Variants in SPINK9 observed in about 807,000 individuals in gnomAD.
SPINK9 encodes the protein serine protease inhibitor Kazal-type 9.
In SPINK9, 3 loss-of-function variants were observed where a neutral mutation model predicts 10.8. The observed-to-expected ratio is 0.28, with a 90% confidence interval of 0.13 to 0.72. The LOEUF (loss-of-function observed/expected upper bound fraction) is 0.72, where lower values mean the gene tolerates loss of function less well. Among genes scored for constraint, SPINK9 ranks in the 30% least tolerant of loss-of-function variants. The probability of loss-of-function intolerance (pLI) is 0.74; values close to 1 mark genes in which losing one functional copy is unlikely to be tolerated. For synonymous variants in SPINK9, 30 were observed against 31.2 expected (o/e 0.96, Z 0.12); for missense variants, 101 against 103.2 (o/e 0.98, Z 0.09).
At chr5:148,323,840 G>A (rs1379735746) in exon 2 of SPINK9, 4 of 701,292 alleles carry the variant, frequency 5.7e-6, no homozygotes, top group Non-Finnish European at 1.0e-5. Context: ...GGAGACTCAT[G>A]GGCTTAACGC....
At chr5:148,327,516 G>C (rs541584198) in intron 2 of SPINK9, among the ~76,000 whole-genome samples, 2 of 152,122 alleles carry the variant, frequency 1.3e-5, no homozygotes, top group African/African-American at 4.8e-5. Flanking sequence ...TTAATTAGTT[G>C]CCATTTGTCA....
chr5:148,336,416 T>C lies in SPINK9; in HGVS notation c.56-6T>C, dbSNP rs774834509. 3 of 1,613,494 alleles carry C rather than the reference T, an allele frequency of 1.9e-6. No homozygotes were observed. Among genetic ancestry groups the C allele is most frequent in the Non-Finnish European group, 1.7e-6 (2 of 1,179,594 alleles). ...TAATATTGCCTTGTCTTTGTTTTTC[T>C]TCCAGGTATAGAATGTGCCAAACAG... On this transcript the variant is annotated splice_region_variant and splice_polypyrimidine_tract_variant and intron_variant, in intron 1 of 3. Transcript: ENST00000377906.
intron 1 of SPINK9, among the ~76,000 whole-genome samples, chr5:148,321,917 T>A (rs907958187): frequency 6.6e-6 from 1 of 150,778 alleles, no homozygotes; most frequent in Non-Finnish European, 1.5e-5. Flanking sequence ...GCCCTAGCAA[T>A]TTTTTTTGTC....
At chr5:148,328,081 A>G (rs555850264) in intron 2 of SPINK9, among the ~76,000 whole-genome samples, 8 of 152,156 alleles carry the variant, frequency 5.3e-5, no homozygotes, top group African/African-American at 1.2e-4. Flanking sequence ...CATTGAATCT[A>G]TAAATTACCT....
At chr5:148,335,538 C>G, upstream of SPINK9, 3 of 1,315,262 alleles carry the variant, frequency 2.3e-6, no homozygotes, top group Non-Finnish European at 3.3e-6. Flanking sequence ...ATATATAAGG[C>G]AGGATCAAAG....
rs888997938 is a variant in SPINK9, at chr5:148,338,744, G to A, written c.215+139G>A. The A allele has an allele frequency of 2.9e-5, 16 of 552,700 alleles. No individual in the cohort carries two copies. The South Asian group carries it at 3.5e-4, about 12-fold the overall frequency. 34.2% of individuals were successfully genotyped at this position (552,700 alleles called of 1,614,324 possible). A position where few individuals can be genotyped will look rare whatever the true frequency, so the allele number is the denominator to read the frequency against. ...AACAAACAGAACCTTCCAGTTGGTA[G>A]AATTTGGGAGTCCCTGATATCACAA... On this transcript the variant is annotated intron_variant, in intron 3 of 3. Transcript: ENST00000377906.
At chr5:148,332,987 A>G (rs568641041), upstream of SPINK9, among the ~76,000 whole-genome samples, 3 of 152,156 alleles carry the variant, frequency 2.0e-5, no homozygotes, top group African/African-American at 4.8e-5. Context: ...TTCCCAAATA[A>G]TAAGTTGGTA....
Position 148,335,624 on chromosome 5 carries a change from C to G in SPINK9, c.11C>G (p.Thr4Arg). The change falls in exon 1 of 4, where the codon ACA (threonine) becomes AGA (arginine). Residue 4 changes from threonine (T) to arginine (R), a missense_variant. Thr to Arg is a moderately conservative substitution (Grantham distance 71, BLOSUM62 -1). Transcript: ENST00000377906. Reference protein sequence around the residue: MRATAIVLLLALTL... With the variant: MRARAIVLLLALTL... ...GGCCACTTCAGTACTATGAGAGCAA[C>G]AGCCATAGTCCTACTCTTGGCTCTG... 6.2e-7 allele frequency: 1 copy of G among 1,613,634 alleles called. No individual in the cohort carries two copies. Among genetic ancestry groups the G allele is most frequent in the East Asian group, 2.2e-5 (1 of 44,866 alleles).
intron 2 of SPINK9, 55 bp downstream of exon 2, chr5:148,336,508 A>G (rs1409948344): frequency 4.0e-6 from 6 of 1,507,570 alleles, no homozygotes; most frequent in Non-Finnish European, 5.5e-6. Context: ...CAGTAAGGAA[A>G]TATTTGATAC....
At chr5:148,332,683 C>T (rs1376933471), upstream of SPINK9, among the ~76,000 whole-genome samples, 1 of 152,156 alleles carries the variant, frequency 6.6e-6, no homozygotes, top group Non-Finnish European at 1.5e-5. Context: ...GGACTCTCCT[C>T]AGAAAATACC....
At chr5:148,336,345 T>C in intron 1 of SPINK9, 77 bp from the exon 2 acceptor site, 1 of 1,469,428 alleles carries the variant, frequency 6.8e-7, no homozygotes, top group South Asian at 1.1e-5. Flanking sequence ...AGCTAAAGCA[T>C]AAATCAAAGA....
chr5:148,335,541 G>T, upstream of SPINK9: 1 of 1,368,994 alleles, frequency 7.3e-7, no homozygotes, highest in Non-Finnish European at 1.0e-6. Context: ...TATAAGGCAG[G>T]ATCAAAGTGA....
At chr5:148,331,621 A>C (rs928292100), upstream of SPINK9, among the ~76,000 whole-genome samples, 8 of 152,204 alleles carry the variant, frequency 5.3e-5, no homozygotes, top group African/African-American at 1.9e-4. Context: ...AAAAAAGTGG[A>C]TTTTAAATGT....
intron 1 of SPINK9, among the ~76,000 whole-genome samples, chr5:148,321,698 C>T (rs1757001836): frequency 6.6e-6 from 1 of 152,098 alleles, no homozygotes; most frequent in Non-Finnish European, 1.5e-5. Flanking sequence ...TTATGTCTAA[C>T]ATATGACCTG....
intron 2 of SPINK9, among the ~76,000 whole-genome samples, chr5:148,324,062 CCTT>C (rs377487557): frequency 5.3e-4 from 81 of 152,138 alleles, no homozygotes; most frequent in African/African-American, 1.8e-3. Flanking sequence ...GAATGCCCAT[CCTT>C]CTCCAATATT....
chr5:148,333,841 TA>T (rs1469633775), upstream of SPINK9, among the ~76,000 whole-genome samples: 1 of 152,242 alleles, frequency 6.6e-6, no homozygotes. Context: ...TTGATTGTAA[TA>T]ATACTTGTCT....
chr5:148,337,794 A>G (rs1422968), intron 2 of SPINK9, among the ~76,000 whole-genome samples: 59,305 of 151,892 alleles, frequency 0.39, 13,460 homozygotes, highest in African/African-American at 0.62. Context: ...GGTCACATAG[A>G]ATTTGCATTC....
upstream of SPINK9, among the ~76,000 whole-genome samples, chr5:148,334,729 G>A (rs963959868): frequency 2.0e-5 from 3 of 151,800 alleles, no homozygotes; most frequent in Admixed American, 6.6e-5. Flanking sequence ...AAAAGAAGAC[G>A]GTCTTTCTCA....
At chr5:148,323,536 T>C (rs1370196041) in intron 1 of SPINK9, 2 of 379,430 alleles carry the variant, frequency 5.3e-6, no homozygotes, top group Non-Finnish European at 9.4e-6. Context: ...AAGTATTTCT[T>C]ACAATGACAT....
Sources: gnomAD v4.1 joint callset for allele counts (sites outside exome capture counted in the v4.1 genomes callset) on GRCh38, gnomAD v4.1.1 for gene constraint, MANE v1.5 for transcripts, NCBI Gene and HGNC (gene_info 2026-07-23, HGNC 2026-07-21) for gene names.